The following RIMS1 variants were observed in gnomAD, a reference collection of about 807,000 sequenced individuals.
The protein encoded by RIMS1 is regulating synaptic membrane exocytosis protein 1.
Under a neutral mutation model 214.1 loss-of-function variants are expected in RIMS1, and 83 were observed. The observed-to-expected ratio is 0.39, with a 90% confidence interval of 0.32 to 0.47. The LOEUF (loss-of-function observed/expected upper bound fraction) is 0.47, where lower values mean the gene tolerates loss of function less well. Ranked by LOEUF, RIMS1 falls within the 20% of genes least tolerant of loss-of-function variation. The pLI is 0.99. For synonymous variants in RIMS1, 793 were observed against 786.8 expected (o/e 1.01, Z -0.13); for missense variants, 2,050 against 2,161.8 (o/e 0.95, Z 1.03).
intron 2 of RIMS1, among the ~76,000 whole-genome samples, chr6:71,997,915 T>A (rs1173473785): frequency 6.6e-6 from 1 of 152,150 alleles, no homozygotes; most frequent in African/African-American, 2.4e-5. Context: ...TTGCTCTTCT[T>A]AAAAACTTTT....
intron 4 of RIMS1, among the ~76,000 whole-genome samples, chr6:72,109,990 T>G (rs1014529013): frequency 6.6e-6 from 1 of 152,160 alleles, no homozygotes; most frequent in Non-Finnish European, 1.5e-5. Context: ...TTTCTCATGT[T>G]TGTCAAAGAT....
intron 28 of RIMS1, among the ~76,000 whole-genome samples, chr6:72,328,414 T>A (rs866625298): frequency 4.0e-5 from 6 of 151,714 alleles, no homozygotes; most frequent in African/African-American, 1.5e-4. Flanking sequence ...ACCTTCATGT[T>A]CTGCACATGT....
intron 28 of RIMS1, among the ~76,000 whole-genome samples, chr6:72,325,436 C>T (rs1304631818): frequency 6.6e-6 from 1 of 150,704 alleles, no homozygotes; most frequent in Non-Finnish European, 1.5e-5. Flanking sequence ...ACTAAAAGAA[C>T]CTAGAAGTCT....
chr6:72,258,295 T>C lies in RIMS1; in HGVS notation c.2927+14T>C, dbSNP rs1372748783. The C allele has an allele frequency of 1.9e-6, 3 of 1,611,286 alleles. No homozygotes were observed. Among genetic ancestry groups the C allele is most frequent in the Non-Finnish European group, 2.5e-6 (3 of 1,178,172 alleles). On this transcript the variant is annotated intron_variant, in intron 17 of 33. Transcript: ENST00000521978. ...GCCATTACAGAGGTAGGCTTTGAAA[T>C]GGGCTCAGTGTCCCTGACAGTACAT...
chr6:72,106,995 A>G (rs894781815), intron 4 of RIMS1, among the ~76,000 whole-genome samples: 1 of 152,108 alleles, frequency 6.6e-6, no homozygotes, highest in Non-Finnish European at 1.5e-5. Context: ...TCTTTGTTGA[A>G]GTACTTTTTG....
At chr6:71,944,542 T>C (rs1197150591) in intron 1 of RIMS1, among the ~76,000 whole-genome samples, 1 of 151,942 alleles carries the variant, frequency 6.6e-6, no homozygotes, top group Non-Finnish European at 1.5e-5. Flanking sequence ...TGGTGTGAAG[T>C]GGGTGTTAGA....
At chr6:72,367,159 A>G (rs927677856) in intron 29 of RIMS1, among the ~76,000 whole-genome samples, 1 of 152,266 alleles carries the variant, frequency 6.6e-6, no homozygotes, top group Non-Finnish European at 1.5e-5. Context: ...CTAGACTTAC[A>G]GGATTTTAAA....
intron 1 of RIMS1, among the ~76,000 whole-genome samples, chr6:71,948,771 G>A (rs961086293): frequency 2.6e-5 from 4 of 152,158 alleles, no homozygotes; most frequent in Admixed American, 2.6e-4. Flanking sequence ...AGAGGAGAAG[G>A]CAGGAAAGAA....
chr6:72,179,557 T>A lies in RIMS1; in HGVS notation c.472-18T>A. On this transcript the variant is annotated intron_variant, in intron 4 of 33. Coordinates refer to ENST00000521978, the MANE Select transcript of RIMS1 (RefSeq NM_014989.7). Reference sequence around the variant, plus strand: ...AAGAGGGCATAAAAATTTATATTGTTCTTTCTTCTTCAAATAGGTTATGTG... The same window carrying A: ...AAGAGGGCATAAAAATTTATATTGTACTTTCTTCTTCAAATAGGTTATGTG... 6.3e-7 allele frequency: 1 copy of A among 1,584,168 alleles called. No homozygotes were observed. The highest frequency in any genetic ancestry group is 8.6e-7 in the Non-Finnish European group (1 of 1,157,796).
At chr6:71,989,016 C>T (rs1026319245) in intron 2 of RIMS1, among the ~76,000 whole-genome samples, 2 of 152,056 alleles carry the variant, frequency 1.3e-5, no homozygotes, top group African/African-American at 4.8e-5. Context: ...AGCTGGATTG[C>T]CAACACCAGT....
intron 31 of RIMS1, among the ~76,000 whole-genome samples, chr6:72,393,709 A>T (rs1022094986): frequency 1.3e-5 from 2 of 152,230 alleles, no homozygotes; most frequent in East Asian, 1.9e-4. Flanking sequence ...CCTGGGCGAC[A>T]GAGCGAGACT....
chr6:72,061,395 C>T (rs1012112), intron 2 of RIMS1, among the ~76,000 whole-genome samples: 10,355 of 152,294 alleles, frequency 0.068, 398 homozygotes, highest in Non-Finnish European at 0.082. Flanking sequence ...CACAGTTAGG[C>T]TGGTCATTGC....
At chr6:72,010,322 A>T (rs1375341302) in intron 2 of RIMS1, among the ~76,000 whole-genome samples, 3 of 152,214 alleles carry the variant, frequency 2.0e-5, no homozygotes, top group African/African-American at 7.2e-5. Flanking sequence ...TATCGATGGG[A>T]CATATCTCAA....
chr6:72,307,456 T>C lies in RIMS1; in HGVS notation c.3963+86T>C, dbSNP rs948698512. 3.6e-6 allele frequency: 3 copies of C among 844,528 alleles called. No homozygotes were observed. The Admixed American group carries it at 8.1e-5, about 23-fold the overall frequency. 52.3% of individuals were successfully genotyped at this position (844,528 alleles called of 1,614,324 possible). A position where few individuals can be genotyped will look rare whatever the true frequency, so the allele number is the denominator to read the frequency against. On this transcript the variant is annotated intron_variant, in intron 27 of 33. Transcript: ENST00000521978. ...GGCAGGATTAGAAAGCACCGAATTA[T>C]ATAAGAGAAGTTATCATTTGGGCCG... is the stretch of plus-strand genomic sequence containing the variant.
At chr6:72,248,964 C>T (rs2071660349) in intron 12 of RIMS1, among the ~76,000 whole-genome samples, 1 of 152,072 alleles carries the variant, frequency 6.6e-6, no homozygotes, top group South Asian at 2.1e-4. Context: ...GTGTAAATCT[C>T]TCATATTCTC....
chr6:72,086,549 A>C (rs1201682602), intron 2 of RIMS1, among the ~76,000 whole-genome samples: 2 of 152,156 alleles, frequency 1.3e-5, no homozygotes, highest in Non-Finnish European at 2.9e-5. Context: ...TCAGGTAATA[A>C]AATAATAGAA....
At chr6:72,160,112 C>G (rs56918606) in intron 4 of RIMS1, among the ~76,000 whole-genome samples, 103,872 of 119,776 alleles carry the variant, frequency 0.87, 47,121 homozygotes, top group East Asian at 1. Flanking sequence ...TCACATCCCT[C>G]TTGGATTCCT....
Position 72,253,396 on chromosome 6 carries a change from C to T in RIMS1, c.2770+564C>T, listed in dbSNP as rs1332435844. Among the ~76,000 whole-genome samples, 4 of 152,120 alleles carry T rather than the reference C, an allele frequency of 2.6e-5. 1 individual carries two copies. The highest frequency in any genetic ancestry group is 2.0e-4 in the Admixed American group (3 of 15,262). ...TTAAGTATTAATTTGAAGTGAACAT[C>T]TCTTTGTCATTGTGTAAGTTAGTAA... On this transcript the variant is annotated intron_variant, in intron 16 of 33. Transcript: ENST00000521978.
intron 4 of RIMS1, among the ~76,000 whole-genome samples, chr6:72,128,689 T>A (rs147017586): frequency 6.6e-6 from 1 of 152,214 alleles, no homozygotes; most frequent in Non-Finnish European, 1.5e-5. Flanking sequence ...TATTTAATAT[T>A]TTGTCTGATT....
Sources: gnomAD v4.1 joint callset for allele counts (sites outside exome capture counted in the v4.1 genomes callset) on GRCh38, gnomAD v4.1.1 for gene constraint, MANE v1.5 for transcripts, NCBI Gene and HGNC (gene_info 2026-07-23, HGNC 2026-07-21) for gene names.